Variants in PFKFB4 observed in about 807,000 individuals in gnomAD.
PFKFB4 encodes the protein 6-phosphofructo-2-kinase/fructose-2,6-bisphosphatase 4.
A neutral mutation model predicts 62.8 loss-of-function variants in PFKFB4; 42 were observed. The observed-to-expected ratio is 0.67, with a 90% CI of 0.52 to 0.86. The LOEUF (loss-of-function observed/expected upper bound fraction) is 0.86, where lower values mean the gene tolerates loss of function less well. Among genes scored for constraint, PFKFB4 ranks in the 40% least tolerant of loss-of-function variants. The pLI is 0.00. For synonymous variants in PFKFB4, 204 were observed against 240.7 expected (o/e 0.85, Z 1.41); for missense variants, 475 against 627.2 (o/e 0.76, Z 2.59).
chr3:48,520,913 G>A (rs543797383), intron 13 of PFKFB4, among the ~76,000 whole-genome samples: 143 of 152,348 alleles, frequency 9.4e-4, no homozygotes, highest in African/African-American at 3.4e-3. Flanking sequence ...TGGGGGCCCA[G>A]TGCCATCTGG....
chr3:48,536,693 T>C, intron 7 of PFKFB4: 1 of 536,034 alleles, frequency 1.9e-6, no homozygotes, highest in Non-Finnish European at 3.4e-6. Context: ...GAGGTGCTCG[T>C]CACTCATCAT....
intron 1 of PFKFB4, among the ~76,000 whole-genome samples, chr3:48,550,792 C>T (rs1232654047): frequency 1.3e-5 from 2 of 152,254 alleles, no homozygotes; most frequent in African/African-American, 2.4e-5. Context: ...TCCATGGCCA[C>T]CGGGAACACC....
rs1394107358 is a variant in PFKFB4, at chr3:48,521,975, C to A, written c.1350+11G>T. 3 of 1,610,478 alleles carry A rather than the reference C, an allele frequency of 1.9e-6. No individual in the cohort carries two copies. Among genetic ancestry groups the A allele is most frequent in the Non-Finnish European group, 2.5e-6 (3 of 1,176,708 alleles). On this transcript the variant is annotated intron_variant, in intron 13 of 13. Coordinates refer to ENST00000232375, the MANE Select transcript of PFKFB4 (RefSeq NM_004567.4). This position sits in a 1 kb window ranked among gnomAD's most constrained non-coding sequence, Gnocchi z 5.3. ...AACACCCCGCTACCCCAGCAGTGAC[C>A]CCATTGCTACCTGAGGCCTGTCCCG...
intron 9 of PFKFB4, among the ~76,000 whole-genome samples, chr3:48,534,691 GAA>G (rs2042535709): frequency 6.8e-6 from 1 of 147,226 alleles, no homozygotes; most frequent in African/African-American, 2.5e-5. Context: ...AAAAAAAGAA[GAA>G]AAGAAAATAT....
chr3:48,545,336 T>A lies in PFKFB4; in HGVS notation c.312-1690A>T, dbSNP rs149950110. 2.3e-3 allele frequency among the ~76,000 whole-genome samples: 347 copies of A among 152,328 alleles called. 2 individuals are homozygous for A. Among genetic ancestry groups the A allele is most frequent in the African/African-American group, 7.9e-3 (330 of 41,576 alleles). Reference sequence around the variant, plus strand: ...TTAGTAGAGATGGGATTTCACCATGTTGGCCATGTGGGTCTTGAACTCCTG... The same window carrying A: ...TTAGTAGAGATGGGATTTCACCATGATGGCCATGTGGGTCTTGAACTCCTG... On this transcript the variant is annotated intron_variant, in intron 3 of 13. Coordinates refer to ENST00000232375, the MANE Select transcript of PFKFB4 (RefSeq NM_004567.4).
upstream of PFKFB4, chr3:48,559,629 C>T (rs774681812): frequency 1.1e-5 from 5 of 456,680 alleles, no homozygotes; most frequent in Non-Finnish European, 1.8e-5. Flanking sequence ...TCAGTATATC[C>T]GAAAGTGAGC....
At chr3:48,540,236 G>C (rs1358520409) in intron 4 of PFKFB4, among the ~76,000 whole-genome samples, 5 of 152,224 alleles carry the variant, frequency 3.3e-5, no homozygotes, top group African/African-American at 9.6e-5. Context: ...GGAGACAACA[G>C]GAGATGGAGA....
chr3:48,550,079 C>G (rs1304629656), intron 2 of PFKFB4, 39 bp downstream of exon 2: 1 of 1,500,592 alleles, frequency 6.7e-7, no homozygotes, highest in South Asian at 1.1e-5. Flanking sequence ...TCGTCATGCC[C>G]CACAAAGCTC....
At chr3:48,549,821 T>A in intron 3 of PFKFB4, 43 bp downstream of exon 3, 1 of 1,201,966 alleles carries the variant, frequency 8.3e-7, no homozygotes, top group Non-Finnish European at 1.2e-6. Context: ...CCACACTGGG[T>A]CCCCCAGCAA....
chr3:48,547,177 C>T (rs1407539108), intron 3 of PFKFB4, among the ~76,000 whole-genome samples: 8 of 152,114 alleles, frequency 5.3e-5, no homozygotes, highest in Admixed American at 5.2e-4. Flanking sequence ...AACATGTGCG[C>T]CTTCGTGTGT....
chr3:48,557,131 A>C, upstream of PFKFB4: 5 of 321,822 alleles, frequency 1.6e-5, no homozygotes, highest in East Asian at 1.0e-4. Context: ...AGCTCTCCCA[A>C]CCTGCCCGCG....
At position 48,518,931 on chromosome 3, in the gene PFKFB4, A is replaced by G. The variant is rs1241002622; in HGVS notation, c.*816T>C. On this transcript the variant is annotated 3_prime_UTR_variant, in exon 14 of 14. Transcript: ENST00000232375. Reference sequence around the variant, plus strand: ...GAGCACTTCGGTGTGTGCACCAGGAAGGTAACTTCCTGCCCTGTCTTGAAG... The same window carrying G: ...GAGCACTTCGGTGTGTGCACCAGGAGGGTAACTTCCTGCCCTGTCTTGAAG... 6.6e-6 allele frequency: 1 copy of G among 152,128 alleles called. No individual in the cohort carries two copies. Among genetic ancestry groups the G allele is most frequent in the Non-Finnish European group, 1.5e-5 (1 of 68,016 alleles). The allele number at this position is 152,128 out of a possible 1,614,324, so 9.4% of individuals were successfully genotyped here. A position where few individuals can be genotyped will look rare whatever the true frequency, so the allele number is the denominator to read the frequency against.
intron 13 of PFKFB4, among the ~76,000 whole-genome samples, chr3:48,520,616 A>C (rs1284537539): frequency 6.6e-6 from 1 of 152,096 alleles, no homozygotes; most frequent in Non-Finnish European, 1.5e-5. Flanking sequence ...CGGCCCCTGG[A>C]ATTGTAGGGG....
At chr3:48,522,263 G>T (rs1028501751) in intron 12 of PFKFB4, among the ~76,000 whole-genome samples, 1 of 152,170 alleles carries the variant, frequency 6.6e-6, no homozygotes, top group African/African-American at 2.4e-5. Flanking sequence ...TGACGGCCCA[G>T]ACAGGGCCAC....
upstream of PFKFB4, chr3:48,562,353 G>A (rs1469502799): frequency 1.1e-5 from 2 of 175,776 alleles, no homozygotes; most frequent in East Asian, 1.7e-4. This position sits in a 1 kb window ranked among gnomAD's most constrained non-coding sequence, Gnocchi z 4.3. Flanking sequence ...TTGAGCTCTC[G>A]TGTTGAGGCT....
chr3:48,543,099 T>C (rs1375581458), intron 4 of PFKFB4, among the ~76,000 whole-genome samples: 1 of 152,130 alleles, frequency 6.6e-6, no homozygotes, highest in African/African-American at 2.4e-5. Flanking sequence ...TGTTTGACTA[T>C]ATAAGGCTGG....
At chr3:48,546,365 C>T (rs1019083529) in intron 3 of PFKFB4, among the ~76,000 whole-genome samples, 1 of 148,522 alleles carries the variant, frequency 6.7e-6, no homozygotes, top group Non-Finnish European at 1.5e-5. Context: ...TGTGTGTACA[C>T]ATGGTGTGTG....
At chr3:48,540,850 C>T (rs2042778331) in intron 4 of PFKFB4, among the ~76,000 whole-genome samples, 2 of 151,140 alleles carry the variant, frequency 1.3e-5, no homozygotes, top group Admixed American at 1.3e-4. Flanking sequence ...TCTCGGCTCA[C>T]TGCAACCTCC....
intron 1 of PFKFB4, among the ~76,000 whole-genome samples, chr3:48,555,276 G>A (rs776839371): frequency 2.6e-5 from 4 of 152,138 alleles, no homozygotes; most frequent in Non-Finnish European, 4.4e-5. Context: ...AAAGCCATGA[G>A]TTACCACGAC....
Sources: allele counts gnomAD v4.1 joint callset (sites outside exome capture counted in the v4.1 genomes callset), GRCh38; gene constraint gnomAD v4.1.1; non-coding constraint Gnocchi (gnomAD v3.1); transcripts MANE v1.5; gene names NCBI Gene and HGNC (gene_info 2026-07-23, HGNC 2026-07-21).